The following EZH1 variants were observed in gnomAD, a reference collection of about 807,000 sequenced individuals.
The protein encoded by EZH1 is enhancer of zeste 1 polycomb repressive complex 2 subunit, also known as histone-lysine N-methyltransferase EZH1.
EZH1 carries 33 observed loss-of-function variants against 100.5 expected under a neutral mutation model. The ratio of observed to expected loss-of-function variants is 0.33; its 90% CI spans 0.25 to 0.44. EZH1 has a LOEUF of 0.44. Among genes scored for constraint, EZH1 ranks in the 20% least tolerant of loss-of-function variants. The probability of loss-of-function intolerance (pLI) is 1.00; values close to 1 mark genes in which losing one functional copy is unlikely to be tolerated. For missense variants in EZH1, 475 were observed against 928.4 expected (o/e 0.51, Z 6.35); for synonymous variants, 272 against 313.8 (o/e 0.87, Z 1.41).
At chr17:42,702,626 T>C (rs1478021801) in intron 20 of EZH1, 34 bp from the exon 21 acceptor site, 2 of 1,547,018 alleles carry the variant, frequency 1.3e-6, no homozygotes, top group East Asian at 2.4e-5. Context: ...ACCAGGTTAC[T>C]CTCATGACTT....
At chr17:42,721,210 G>C (rs1297850727) in intron 6 of EZH1, among the ~76,000 whole-genome samples, 1 of 152,166 alleles carries the variant, frequency 6.6e-6, no homozygotes, top group African/African-American at 2.4e-5. Context: ...GAGGCACTGT[G>C]GACAAATAAT....
chr17:42,718,652 G>T lies in EZH1; in HGVS notation c.768-35C>A. The stretch of plus-strand genomic sequence containing the variant: ...AAAAGAGAGATAAGAGTTCCTCCGA[G>T]GAACTGCCTCCACTGAGGAAATACA... On this transcript the variant is annotated intron_variant, in intron 8 of 20. Transcript: ENST00000428826. The surrounding 1 kb of genome is among the most constrained non-coding windows in gnomAD (Gnocchi z 4.2). 1 of 1,610,728 alleles carries T rather than the reference G, an allele frequency of 6.2e-7. No individual in the cohort carries two copies.
At position 42,713,402 on chromosome 17, in the gene EZH1, C is replaced by A. The variant is rs2053528455; in HGVS notation, c.1024-13G>T. 3 of 1,578,546 alleles carry A rather than the reference C, an allele frequency of 1.9e-6. No individual in the cohort carries two copies. The highest frequency in any genetic ancestry group is 1.7e-6 in the Non-Finnish European group (2 of 1,155,160). ...CCTTTGCTCCTTCCTGCAGTGGACA[C>A]ATTACAGACAGGAAATAGGAACAGG... On this transcript the variant is annotated splice_polypyrimidine_tract_variant and intron_variant, in intron 10 of 20. Coordinates refer to ENST00000428826, the MANE Select transcript of EZH1 (RefSeq NM_001991.5).
At chr17:42,722,148 C>CAA (rs66555154) in intron 6 of EZH1, among the ~76,000 whole-genome samples, 3 of 38,982 alleles carry the variant, frequency 7.7e-5, no homozygotes, top group African/African-American at 1.1e-4. Context: ...GACTCTGTCT[C>CAA]AAAAAAAAAA....
intron 10 of EZH1, among the ~76,000 whole-genome samples, chr17:42,717,569 T>C (rs73983752): frequency 0.032 from 4,887 of 152,264 alleles, 267 homozygotes; most frequent in African/African-American, 0.11. Flanking sequence ...GAACGGTCCA[T>C]CTGGTTGATC....
chr17:42,738,572 A>G (rs1002581866), intron 1 of EZH1, among the ~76,000 whole-genome samples: 23 of 149,950 alleles, frequency 1.5e-4, no homozygotes, highest in African/African-American at 5.1e-4. Flanking sequence ...GCCAGGCTGG[A>G]GTGCGTTGGT....
rs769824031 is a variant in EZH1 at position 42,702,372 on chromosome 17, T to C, written c.*160A>G. 1.8e-5 allele frequency: 10 copies of C among 556,692 alleles called. No individual in the cohort carries two copies. The highest frequency in any genetic ancestry group is 7.5e-5 in the African/African-American group (4 of 53,340). 34.5% of individuals were successfully genotyped at this position (556,692 alleles called of 1,614,324 possible). On this transcript the variant is annotated 3_prime_UTR_variant, in exon 21 of 21. Transcript: ENST00000428826. ...GTCTCCCCTCTCATTGAGACAGTTT[T>C]GTGCCCTCTGGACATGGCAGAGGCC...
At chr17:42,743,326 A>G (rs2054212872) in intron 1 of EZH1, among the ~76,000 whole-genome samples, 1 of 151,238 alleles carries the variant, frequency 6.6e-6, no homozygotes, top group South Asian at 2.1e-4. Flanking sequence ...GTGTGCCACC[A>G]CACCTGATTA....
At chr17:42,715,834 GTT>G (rs894684770) in intron 10 of EZH1, among the ~76,000 whole-genome samples, 8 of 152,160 alleles carry the variant, frequency 5.3e-5, no homozygotes, top group African/African-American at 1.7e-4. Context: ...ATCACCTGAG[GTT>G]GGGAGTTCAA....
chr17:42,737,614 CA>C (rs1371528940), intron 1 of EZH1, among the ~76,000 whole-genome samples: 1 of 151,910 alleles, frequency 6.6e-6, no homozygotes, highest in Non-Finnish European at 1.5e-5. Flanking sequence ...TCAAACAAAC[CA>C]AAAACAAACA....
intron 10 of EZH1, among the ~76,000 whole-genome samples, chr17:42,715,085 T>C (rs1306894653): frequency 7.1e-6 from 1 of 140,492 alleles, no homozygotes; most frequent in Non-Finnish European, 1.5e-5. Context: ...CATGTATTTA[T>C]ATATTATAGA....
At chr17:42,730,795 C>T (rs1372683678) in intron 2 of EZH1, 33 bp downstream of exon 2, 1 of 965,836 alleles carries the variant, frequency 1.0e-6, no homozygotes, top group Non-Finnish European at 1.2e-6. Flanking sequence ...CGCGCCCGGC[C>T]AAGAAGTATG....
At chr17:42,715,915 C>T (rs1213453837) in intron 10 of EZH1, among the ~76,000 whole-genome samples, 3 of 151,884 alleles carry the variant, frequency 2.0e-5, no homozygotes, top group East Asian at 3.9e-4. Flanking sequence ...GGCGTGGTGG[C>T]GCATGCCTGT....
chr17:42,704,648 C>T lies in EZH1; in HGVS notation c.1971G>A (p.Lys657=). Residue 657 remains lysine, a synonymous_variant, in exon 18 of 21, where the codon AAG becomes AAA. Coordinates refer to ENST00000428826, the MANE Select transcript of EZH1 (RefSeq NM_001991.5). The part of the protein sequence containing the change: ...ISQDEADRRG[K]VYDKYMSSFL... ...AGCTGGACATGTATTTGTCATAGACCTTTCCGCGTCGATCAGCCTCATCCT... is the reference window on the plus strand; with the variant it reads ...AGCTGGACATGTATTTGTCATAGACTTTTCCGCGTCGATCAGCCTCATCCT... 6 of 1,613,980 alleles carry T rather than the reference C, an allele frequency of 3.7e-6. No individual in the cohort carries two copies. The highest frequency in any genetic ancestry group is 5.1e-6 in the Non-Finnish European group (6 of 1,179,976).
chr17:42,708,211 C>T, intron 14 of EZH1, 128 bp from the exon 15 acceptor site: 4 of 1,140,680 alleles, frequency 3.5e-6, no homozygotes, highest in Non-Finnish European at 4.8e-6. Context: ...ACATTTAGCA[C>T]CTGAAGTGAG....
Position 42,704,623 on chromosome 17 carries a change from A to G in EZH1, c.1996T>C (p.Phe666Leu), listed in dbSNP as rs2053312795. ...ATACCATTATTGAGGTTGAAGAGGAAGCTGGACATGTATTTGTCATAGACC... is the reference window on the plus strand; with the variant it reads ...ATACCATTATTGAGGTTGAAGAGGAGGCTGGACATGTATTTGTCATAGACC... ...GKVYDKYMSS[F>L]LFNLNNDFVV... The change falls in exon 18 of 21, where the codon TTC becomes CTC. Residue 666 changes from phenylalanine to leucine, a missense_variant. Around this residue, in one of 8 missense-constraint regions of EZH1, gnomAD observed 49 missense variants for 164.2 expected, o/e 0.30. Coordinates refer to ENST00000428826, the MANE Select transcript of EZH1 (RefSeq NM_001991.5). 6.2e-7 allele frequency: 1 copy of G among 1,613,832 alleles called. No individual in the cohort carries two copies. The highest frequency in any genetic ancestry group is 8.5e-7 in the Non-Finnish European group (1 of 1,179,874).
intron 10 of EZH1, among the ~76,000 whole-genome samples, chr17:42,715,541 T>C (rs2053584905): frequency 6.6e-6 from 1 of 151,880 alleles, no homozygotes; most frequent in Admixed American, 6.6e-5. Flanking sequence ...GCCACCATTT[T>C]AATATAATGG....
chr17:42,703,586 A>G (rs2053288664), intron 19 of EZH1, 154 bp downstream of exon 19: 3 of 627,126 alleles, frequency 4.8e-6, no homozygotes, highest in African/African-American at 1.8e-5. Flanking sequence ...TTAGAAAACT[A>G]AGATTGAGAG....
chr17:42,714,966 A>G (rs2053567128), intron 10 of EZH1, among the ~76,000 whole-genome samples: 1 of 139,196 alleles, frequency 7.2e-6, no homozygotes, highest in Non-Finnish European at 1.5e-5. Flanking sequence ...ATATAAATAT[A>G]TGAAATTTAT....
Sources: gnomAD v4.1 joint callset for allele counts (sites outside exome capture counted in the v4.1 genomes callset) on GRCh38, gnomAD v4.1.1 for gene constraint, gnomAD v4.1.1 regional missense constraint, Gnocchi (gnomAD v3.1) non-coding constraint, MANE v1.5 for transcripts, NCBI Gene and HGNC (gene_info 2026-07-23, HGNC 2026-07-21) for gene names.